The following SPAG16 variants were observed in gnomAD, a reference collection of about 807,000 sequenced individuals.
The protein encoded by SPAG16 is sperm associated antigen 16, also known as sperm-associated antigen 16 protein.
A neutral mutation model predicts 80.4 loss-of-function variants in SPAG16; 86 were observed. The observed-to-expected ratio is 1.07, with a 90% CI of 0.90 to 1.28. The LOEUF is 1.28. Ranked by LOEUF, SPAG16 falls within the 50% of genes most tolerant of loss-of-function variation. The pLI is 0.00. For synonymous variants in SPAG16, 294 were observed against 265.9 expected (o/e 1.11, Z -1.03); for missense variants, 870 against 765.3 (o/e 1.14, Z -1.61).
chr2:214,125,962 G>C (rs773120040), intron 14 of SPAG16, among the ~76,000 whole-genome samples: 1 of 146,740 alleles, frequency 6.8e-6, no homozygotes, highest in Non-Finnish European at 1.5e-5. Flanking sequence ...ACCGAGGGAA[G>C]AAATCCAGTA....
chr2:213,509,164 T>A (rs2075117054), intron 10 of SPAG16, among the ~76,000 whole-genome samples: 1 of 152,090 alleles, frequency 6.6e-6, no homozygotes, highest in Non-Finnish European at 1.5e-5. Flanking sequence ...ACCCAGCTAA[T>A]TTTTTATATT....
Position 214,244,393 on chromosome 2 carries a change from C to T in SPAG16, c.1720+95127C>T, listed in dbSNP as rs116495721. Among the ~76,000 whole-genome samples, 748 of 134,376 alleles carry T rather than the reference C, an allele frequency of 5.6e-3. 5 individuals are homozygous for T. Among genetic ancestry groups the T allele is most frequent in the African/African-American group, 0.02 (707 of 34,886 alleles). 88.2% of individuals were successfully genotyped at this position (134,376 alleles called of 152,430 possible). A position where few individuals can be genotyped will look rare whatever the true frequency, so the allele number is the denominator to read the frequency against. ...CTTCTTCAATGATAAGCTGAAGTTCCGAAAAAAAAAAAAAAGACTTAAAAT... is the reference window on the plus strand; with the variant it reads ...CTTCTTCAATGATAAGCTGAAGTTCTGAAAAAAAAAAAAAAGACTTAAAAT... On this transcript the variant is annotated intron_variant, in intron 15 of 15. Transcript: ENST00000331683.
At chr2:213,508,649 C>T (rs961448089) in intron 10 of SPAG16, among the ~76,000 whole-genome samples, 13 of 152,152 alleles carry the variant, frequency 8.5e-5, no homozygotes, top group East Asian at 1.9e-4. Flanking sequence ...CCATCATTCA[C>T]AGCAAACTGT....
Position 213,481,950 on chromosome 2 carries a change from A to G in SPAG16, c.943-8013A>G, listed in dbSNP as rs376361373. Among the ~76,000 whole-genome samples the G allele has an allele frequency of 2.4e-4, 36 of 152,338 alleles. 3 individuals carry two copies. In the South Asian group the frequency reaches 7.5e-3, roughly 32 times the overall value. ...TCAGAACATCACTGAAATACATACT[A>G]TAATTGGGAATTACAGACAGTAATA... On this transcript the variant is annotated intron_variant, in intron 9 of 15. Transcript: ENST00000331683.
At chr2:213,733,499 ATTTTTTTT>A (rs60768952) in intron 10 of SPAG16, among the ~76,000 whole-genome samples, 1 of 123,202 alleles carries the variant, frequency 8.1e-6, no homozygotes, top group Non-Finnish European at 1.7e-5. Context: ...TTATGAAGGG[ATTTTTTTT>A]TTTTTTTTTT....
chr2:213,648,595 G>GACACAC (rs10538676), intron 10 of SPAG16, among the ~76,000 whole-genome samples: 4 of 149,468 alleles, frequency 2.7e-5, no homozygotes, highest in South Asian at 2.1e-4. Context: ...GGCACACACA[G>GACACAC]ACACACACAC....
At chr2:213,354,967 G>C (rs775393077) in intron 7 of SPAG16, among the ~76,000 whole-genome samples, 22 of 152,120 alleles carry the variant, frequency 1.4e-4, no homozygotes, top group Middle Eastern at 6.8e-3. Context: ...GTATTGCCTA[G>C]GTTCTGTTCT....
chr2:214,223,348 A>G (rs1032930800), intron 15 of SPAG16, among the ~76,000 whole-genome samples: 2 of 152,144 alleles, frequency 1.3e-5, no homozygotes, highest in Non-Finnish European at 2.9e-5. Context: ...TAATTTTCCC[A>G]TGTGAGCACT....
intron 13 of SPAG16, among the ~76,000 whole-genome samples, chr2:214,023,753 A>G (rs531433360): frequency 3.6e-4 from 54 of 151,928 alleles, no homozygotes; most frequent in African/African-American, 1.3e-3. Flanking sequence ...TTGCATACAC[A>G]TCACAAATAT....
At chr2:213,426,411 T>C (rs529654284) in intron 9 of SPAG16, among the ~76,000 whole-genome samples, 22 of 152,006 alleles carry the variant, frequency 1.4e-4, no homozygotes, top group Non-Finnish European at 3.2e-4. Context: ...ATATTTTATA[T>C]TTATATCTCT....
At chr2:213,458,646 C>T (rs1012150093) in intron 9 of SPAG16, among the ~76,000 whole-genome samples, 2 of 152,106 alleles carry the variant, frequency 1.3e-5, no homozygotes, top group African/African-American at 4.8e-5. Context: ...TAAAAATGCC[C>T]TTATCTTCAT....
chr2:214,062,418 CAAAAAAAAAAAAA>C (rs56693089), intron 13 of SPAG16, among the ~76,000 whole-genome samples: 2 of 55,372 alleles, frequency 3.6e-5, no homozygotes, highest in African/African-American at 1.3e-4. Flanking sequence ...GACTCTGACT[CAAAAAAAAAAAAA>C]AAAAAAAAAA....
At chr2:213,860,472 T>C (rs1311183370) in intron 10 of SPAG16, among the ~76,000 whole-genome samples, 2 of 126,086 alleles carry the variant, frequency 1.6e-5, no homozygotes, top group African/African-American at 5.7e-5. Flanking sequence ...GATATATCTA[T>C]CTATATATAT....
At chr2:214,050,825 C>T (rs992288197) in intron 13 of SPAG16, among the ~76,000 whole-genome samples, 3 of 152,054 alleles carry the variant, frequency 2.0e-5, no homozygotes, top group Non-Finnish European at 4.4e-5. Flanking sequence ...ATTTTCCTAC[C>T]AAAATCATTT....
At chr2:213,959,874 T>A (rs2106347434) in intron 12 of SPAG16, among the ~76,000 whole-genome samples, 1 of 152,324 alleles carries the variant, frequency 6.6e-6, no homozygotes, top group South Asian at 2.1e-4. Flanking sequence ...CTGTTTTGGT[T>A]TATGAGTGCT....
intron 12 of SPAG16, among the ~76,000 whole-genome samples, chr2:213,967,148 A>G (rs1426270916): frequency 6.6e-6 from 1 of 152,204 alleles, no homozygotes; most frequent in Non-Finnish European, 1.5e-5. Flanking sequence ...TATTCAATAT[A>G]CCTTATATAG....
intron 10 of SPAG16, among the ~76,000 whole-genome samples, chr2:213,736,726 C>T (rs746295448): frequency 5.1e-4 from 68 of 134,114 alleles, no homozygotes; most frequent in Non-Finnish European, 9.2e-4. Flanking sequence ...TTTTTTGAGA[C>T]AGAGTTTCAC....
intron 10 of SPAG16, among the ~76,000 whole-genome samples, chr2:213,771,629 G>C (rs1324299065): frequency 1.3e-5 from 2 of 151,990 alleles, no homozygotes; most frequent in South Asian, 2.1e-4. Context: ...TAATTTTTAT[G>C]TGTGGTGTAA....
At chr2:213,916,717 A>G (rs1309298839) in intron 11 of SPAG16, among the ~76,000 whole-genome samples, 1 of 152,142 alleles carries the variant, frequency 6.6e-6, no homozygotes, top group Non-Finnish European at 1.5e-5. Flanking sequence ...TTGGGTGGAC[A>G]CACAGCCAAA....
Sources: allele counts gnomAD v4.1 joint callset (sites outside exome capture counted in the v4.1 genomes callset), GRCh38; gene constraint gnomAD v4.1.1; transcripts MANE v1.5; gene names NCBI Gene and HGNC (gene_info 2026-07-23, HGNC 2026-07-21).